Variants in MED26 observed in about 807,000 individuals in gnomAD.
The protein encoded by MED26 is mediator complex subunit 26, also known as mediator of RNA polymerase II transcription subunit 26.
Under a neutral mutation model 43.7 loss-of-function variants are expected in MED26, and 7 were observed. That is an observed-to-expected ratio of 0.16 (90% CI 0.09 to 0.30). MED26 has a LOEUF of 0.30. Ranked by LOEUF, MED26 falls within the 10% of genes least tolerant of loss-of-function variation. MED26 has a pLI of 1.00. For missense variants in MED26, 784 were observed against 840.6 expected, an observed-to-expected ratio of 0.93 and a Z score of 0.83; for synonymous variants, 375 against 371.1, an observed-to-expected ratio of 1.01 and a Z score of -0.12.
In MED26 at chr19:16,576,488, G is replaced by A. The variant is rs749306480; in HGVS notation, c.1342C>T (p.Pro448Ser). 2.5e-6 allele frequency: 4 copies of A among 1,614,146 alleles called. No individual in the cohort carries two copies. The highest frequency in any genetic ancestry group is 1.1e-5 in the South Asian group (1 of 91,084). The change falls in exon 3 of 3, where the codon CCT becomes TCT. Residue 448 changes from proline to serine, a missense_variant. Pro to Ser is a moderately conservative substitution (Grantham distance 74). Coordinates refer to ENST00000263390, the MANE Select transcript of MED26 (RefSeq NM_004831.5). This position sits in a 1 kb window ranked among gnomAD's most constrained non-coding sequence, Gnocchi z 6.8. ...TQKEPVRADS[P>S]VHMEQQSRTE... is the part of the protein sequence containing the mutation. ...CTGGACTGCTGCTCCATGTGCACAG[G>A]GCTGTCTGCCCGCACTGGCTCTTTC...
Position 16,578,603 on chromosome 19 carries a change from C to T in MED26, c.73-194G>A, listed in dbSNP as rs118084504. ...GCACCCAGTGCTCATCCTCACCTGC[C>T]GTCTGACCTCCTCCAGTGTGTGGTG... On this transcript the variant is annotated intron_variant, in intron 1 of 2. Coordinates refer to ENST00000263390, the MANE Select transcript of MED26 (RefSeq NM_004831.5). 903 of 588,532 alleles carry T rather than the reference C, an allele frequency of 1.5e-3. 8 individuals carry two copies. The East Asian group carries it at 0.021, about 14-fold the overall frequency. 36.5% of individuals were successfully genotyped at this position (588,532 alleles called of 1,614,324 possible). A position where few individuals can be genotyped will look rare whatever the true frequency, so the allele number is the denominator to read the frequency against.
In MED26 at chr19:16,577,527, G is replaced by A. The variant is rs779583130; in HGVS notation, c.303C>T (p.Thr101=). ...TGTGTGCGCCCCCGTTGGCAGAGCCGGTGGCCCCCGCCAGCCCCCGCAGCG... is the reference window on the plus strand; with the variant it reads ...TGTGTGCGCCCCCGTTGGCAGAGCCAGTGGCCCCCGCCAGCCCCCGCAGCG... The part of the protein sequence containing the change: ...EAALRGLAGA[T]GSANGGAHNC... Residue 101 remains threonine (T), a synonymous_variant, in exon 3 of 3, where the codon ACC becomes ACT. Coordinates refer to ENST00000263390, the MANE Select transcript of MED26 (RefSeq NM_004831.5). This position sits in a 1 kb window ranked among gnomAD's most constrained non-coding sequence, Gnocchi z 8.1. 191 of 1,603,798 alleles carry A rather than the reference G, an allele frequency of 1.2e-4. No individual in the cohort carries two copies. The highest frequency in any genetic ancestry group is 1.5e-4 in the Non-Finnish European group (179 of 1,174,496).
rs112783079 is a variant in MED26 at position 16,585,909 on chromosome 19, C to T, written c.73-7500G>A. Among the ~76,000 whole-genome samples, 301 of 152,340 alleles carry T rather than the reference C, an allele frequency of 2.0e-3. 1 individual carries two copies. The highest frequency in any genetic ancestry group is 6.4e-3 in the African/African-American group (265 of 41,568). On this transcript the variant is annotated intron_variant, in intron 1 of 2. Transcript: ENST00000263390. The stretch of plus-strand genomic sequence containing the variant: ...ACCCGCTACTGGCCAACCTCTTCCT[C>T]GCTTTATTACAGGGGTGTGTAAGTA...
At position 16,576,182 on chromosome 19, in the gene MED26, C is replaced by G; in HGVS notation, c.1648G>C (p.Asp550His). ...CTGGCCTGGATTCTGTCGAGATCGT[C>G]CTGTGTGACCTCCCGGGTCAGACCA... ...LPGLTREVTQ[D>H]DLDRIQASQW... Residue 550 changes from aspartate to histidine, a missense_variant, in exon 3 of 3, where the codon GAC becomes CAC. Physicochemically the swap from Asp to His is moderately conservative, Grantham distance 81. Around this residue, in one of 3 missense-constraint regions of MED26, gnomAD observed 719 missense variants for 730.9 expected, o/e 0.98. Transcript: ENST00000263390. The surrounding 1 kb of genome is among the most constrained non-coding windows in gnomAD (Gnocchi z 6.8). 1.2e-6 allele frequency: 2 copies of G among 1,613,236 alleles called. No individual in the cohort carries two copies. Among genetic ancestry groups the G allele is most frequent in the Non-Finnish European group, 1.7e-6 (2 of 1,180,022 alleles).
intron 1 of MED26, among the ~76,000 whole-genome samples, chr19:16,616,593 A>G (rs1269669086): frequency 6.6e-6 from 1 of 152,150 alleles, no homozygotes; most frequent in Non-Finnish European, 1.5e-5. Flanking sequence ...CCACCAACAG[A>G]CACAGCACAG....
chr19:16,585,683 G>C (rs554752573), intron 1 of MED26, among the ~76,000 whole-genome samples: 1 of 152,208 alleles, frequency 6.6e-6, no homozygotes, highest in African/African-American at 2.4e-5. Context: ...GTGAAACCCA[G>C]TGACACCTCT....
intron 1 of MED26, among the ~76,000 whole-genome samples, chr19:16,627,158 G>A (rs576329858): frequency 6.6e-6 from 1 of 152,178 alleles, no homozygotes; most frequent in Non-Finnish European, 1.5e-5. Context: ...CCTAAAAAAT[G>A]GAGCTCTGGC....
intron 1 of MED26, among the ~76,000 whole-genome samples, chr19:16,591,961 T>A (rs975979967): frequency 6.6e-6 from 1 of 152,154 alleles, no homozygotes; most frequent in African/African-American, 2.4e-5. Flanking sequence ...AGGGAGCTGC[T>A]TTGAAACGCA....
At position 16,577,434 on chromosome 19, in the gene MED26, G is replaced by A. The variant is rs1204045129; in HGVS notation, c.396C>T (p.Asp132=). The A allele has an allele frequency of 1.0e-5, 16 of 1,596,848 alleles. No homozygotes were observed. The Admixed American group carries it at 1.7e-4, about 17-fold the overall frequency. ...RSIHDLKSRN[D]LQRLPGQRLD... Reference sequence around the variant, plus strand: ...GCCGCTGCCCGGGCAGCCTCTGGAGGTCATTGCGGCTCTTCAGGTCATGGA... The same window carrying A: ...GCCGCTGCCCGGGCAGCCTCTGGAGATCATTGCGGCTCTTCAGGTCATGGA... The change falls in exon 3 of 3, where the codon GAC becomes GAT. Residue 132 remains aspartate (D), a synonymous_variant. Coordinates refer to ENST00000263390, the MANE Select transcript of MED26 (RefSeq NM_004831.5). The surrounding 1 kb of genome is among the most constrained non-coding windows in gnomAD (Gnocchi z 8.1).
chr19:16,601,655 G>A (rs1359681516), intron 1 of MED26, among the ~76,000 whole-genome samples: 1 of 152,236 alleles, frequency 6.6e-6, no homozygotes, highest in Non-Finnish European at 1.5e-5. Flanking sequence ...GAGTCTGCGA[G>A]GACACCTGGA....
intron 1 of MED26, among the ~76,000 whole-genome samples, chr19:16,625,684 A>T (rs943484840): frequency 6.6e-6 from 1 of 152,280 alleles, no homozygotes; most frequent in East Asian, 1.9e-4. Flanking sequence ...CTGAGCCCAC[A>T]TTGATCCAAG....
At chr19:16,619,156 A>G (rs1425454963) in intron 1 of MED26, among the ~76,000 whole-genome samples, 2 of 152,224 alleles carry the variant, frequency 1.3e-5, no homozygotes, top group Non-Finnish European at 2.9e-5. Flanking sequence ...GAAGGAAACA[A>G]TGTGAACCAA....
chr19:16,599,278 C>T (rs117590840), intron 1 of MED26, among the ~76,000 whole-genome samples: 1 of 152,342 alleles, frequency 6.6e-6, no homozygotes, highest in Non-Finnish European at 1.5e-5. Context: ...AACATGCTCA[C>T]CTACAAGCCC....
At chr19:16,591,335 A>C (rs1005955919) in intron 1 of MED26, among the ~76,000 whole-genome samples, 8 of 151,810 alleles carry the variant, frequency 5.3e-5, no homozygotes, top group Non-Finnish European at 8.8e-5. Context: ...TGAAAGATAC[A>C]CTTGAGAATG....
At chr19:16,588,147 C>T (rs913469332) in intron 1 of MED26, 4 of 152,244 alleles carry the variant, frequency 2.6e-5, no homozygotes, top group African/African-American at 4.8e-5. Context: ...TAAATTGACT[C>T]GTTGCTACGC....
intron 1 of MED26, among the ~76,000 whole-genome samples, chr19:16,600,301 C>T (rs1372380393): frequency 1.3e-5 from 2 of 152,172 alleles, no homozygotes; most frequent in Non-Finnish European, 2.9e-5. Context: ...CAGATACCAC[C>T]CCCTCTAGTG....
intron 1 of MED26, among the ~76,000 whole-genome samples, chr19:16,618,840 G>A (rs1189945898): frequency 2.0e-5 from 3 of 152,218 alleles, no homozygotes; most frequent in African/African-American, 7.2e-5. Flanking sequence ...GCTCAGAGAA[G>A]GCATAAGGAA....
In MED26 at chr19:16,586,474, C is replaced by T. The variant is rs1015093078; in HGVS notation, c.73-8065G>A. Among the ~76,000 whole-genome samples the T allele has an allele frequency of 2.6e-5, 4 of 152,250 alleles. No individual in the cohort carries two copies. Among genetic ancestry groups the T allele is most frequent in the Non-Finnish European group, 4.4e-5 (3 of 68,044 alleles). ...CGGCACTCTGTAAAGACTCTCCTGA[C>T]GTGCTCCTGCAGTGAAATGCACAGG... On this transcript the variant is annotated intron_variant, in intron 1 of 2. Coordinates refer to ENST00000263390, the MANE Select transcript of MED26 (RefSeq NM_004831.5). The surrounding 1 kb of genome is among the most constrained non-coding windows in gnomAD (Gnocchi z 5.1).
At chr19:16,626,228 C>A (rs1439036051) in intron 1 of MED26, among the ~76,000 whole-genome samples, 2 of 152,188 alleles carry the variant, frequency 1.3e-5, no homozygotes, top group African/African-American at 4.8e-5. Context: ...TCAGCAACCT[C>A]TCAGACTCTC....
Sources: gnomAD v4.1 joint callset for allele counts (sites outside exome capture counted in the v4.1 genomes callset) on GRCh38, gnomAD v4.1.1 for gene constraint, gnomAD v4.1.1 regional missense constraint, Gnocchi (gnomAD v3.1) non-coding constraint, MANE v1.5 for transcripts, NCBI Gene and HGNC (gene_info 2026-07-23, HGNC 2026-07-21) for gene names.